MPDZ: variants seen among roughly 807,000 people sequenced by gnomAD.
The protein encoded by MPDZ is multiple PDZ domain protein.
MPDZ carries 234 observed loss-of-function variants against 239.1 expected under a neutral mutation model. The ratio of observed to expected loss-of-function variants is 0.98; its 90% CI spans 0.88 to 1.09. The LOEUF (loss-of-function observed/expected upper bound fraction) is 1.09, where lower values mean the gene tolerates loss of function less well. MPDZ is among the 50% of genes least tolerant of loss of function. MPDZ has a pLI of 0.00. For synonymous variants in MPDZ, 1,048 were observed against 881.3 expected (o/e 1.19, Z -3.35); for missense variants, 3,175 against 2,510.0 (o/e 1.26, Z -5.66).
intron 1 of MPDZ, among the ~76,000 whole-genome samples, chr9:13,278,214 G>C (rs1196595458): frequency 6.6e-6 from 1 of 152,098 alleles, no homozygotes; most frequent in South Asian, 2.1e-4. Flanking sequence ...TTCCTTCTAC[G>C]CTGGTGAAGT....
intron 40 of MPDZ, 110 bp downstream of exon 40, chr9:13,115,138 C>G: frequency 1.2e-6 from 1 of 836,824 alleles, no homozygotes; most frequent in Non-Finnish European, 2.0e-6. Flanking sequence ...CAGTCACTAT[C>G]CCACGCTGCC....
Position 13,121,197 on chromosome 9 carries a change from C to T in MPDZ, c.5231+542G>A, listed in dbSNP as rs530530655. ...GCTCTTATTCGCTCTGATCCTTCTC[C>T]CTACAATATCTTCCACTCTCCTTTA... On this transcript the variant is annotated intron_variant, in intron 38 of 46. Coordinates refer to ENST00000319217, the MANE Select transcript of MPDZ (RefSeq NM_001378778.1). Among the ~76,000 whole-genome samples, 4 of 152,270 alleles carry T rather than the reference C, an allele frequency of 2.6e-5. No homozygotes were observed. The East Asian group carries it at 5.8e-4, about 22-fold the overall frequency.
chr9:13,125,430 G>C, intron 34 of MPDZ, 40 bp from the exon 35 acceptor site: 1 of 1,568,620 alleles, frequency 6.4e-7, no homozygotes, highest in Non-Finnish European at 8.7e-7. Context: ...AAAATTCAAA[G>C]CTGAATTAGT....
rs1944966139 is a variant in MPDZ at position 13,125,397 on chromosome 9, G to A, written c.4633-7C>T. 2.5e-6 allele frequency: 4 copies of A among 1,611,190 alleles called. No individual in the cohort carries two copies. The highest frequency in any genetic ancestry group is 1.1e-5 in the South Asian group (1 of 90,794). On this transcript the variant is annotated splice_polypyrimidine_tract_variant and splice_region_variant and intron_variant, in intron 34 of 46. Coordinates refer to ENST00000319217, the MANE Select transcript of MPDZ (RefSeq NM_001378778.1). The stretch of plus-strand genomic sequence containing the variant: ...TCTTCAGAAGGCTAATAAACTGGCA[G>A]GGTGTATGTGTGGAAGAGAAACAAA...
At chr9:13,144,498 T>C (rs1270093118) in intron 26 of MPDZ, among the ~76,000 whole-genome samples, 1 of 152,074 alleles carries the variant, frequency 6.6e-6, no homozygotes, top group East Asian at 1.9e-4. Context: ...TGACTATATC[T>C]TTCAGGGGAA....
chr9:13,195,227 G>A lies in MPDZ; in HGVS notation c.1656+894C>T, dbSNP rs146509332. Among the ~76,000 whole-genome samples the A allele has an allele frequency of 4.7e-3, 718 of 152,226 alleles. 8 individuals carry two copies. Among genetic ancestry groups the A allele is most frequent in the Admixed American group, 0.011 (168 of 15,278 alleles). On this transcript the variant is annotated intron_variant, in intron 13 of 46. Coordinates refer to ENST00000319217, the MANE Select transcript of MPDZ (RefSeq NM_001378778.1). ...AGTTTGAGCCCTGGTGGTCAAGGCT[G>A]CAGTGAGCCATGACTGCACCACTGC...
chr9:13,217,713 A>G lies in MPDZ; in HGVS notation c.1087-419T>C, dbSNP rs192297862. 3.2e-4 allele frequency among the ~76,000 whole-genome samples: 49 copies of G among 151,996 alleles called. 1 individual carries two copies. The East Asian group carries it at 8.0e-3, about 25-fold the overall frequency. ...TCTAGCTTTGCCACTTCATCTAGAAAGAAAATATCACTTTGGTCAACTATC... is the reference window on the plus strand; with the variant it reads ...TCTAGCTTTGCCACTTCATCTAGAAGGAAAATATCACTTTGGTCAACTATC... On this transcript the variant is annotated intron_variant, in intron 8 of 46. Coordinates refer to ENST00000319217, the MANE Select transcript of MPDZ (RefSeq NM_001378778.1).
Position 13,113,022 on chromosome 9 carries a change from C to T in MPDZ, c.5590G>A (p.Glu1864Lys), listed in dbSNP as rs776416799. The T allele has an allele frequency of 1.9e-5, 30 of 1,585,288 alleles. No individual in the cohort carries two copies. Among genetic ancestry groups the T allele is most frequent in the Middle Eastern group, 1.7e-4 (1 of 6,046 alleles). The part of the protein sequence containing the change: ...ASEIQGLRTV[E>K]MKKGPTDSLG... ...TCTCCCCAAGTTACCTTTTTCATTT[C>T]GACTGTTCTTAATCCCTGTATTTCA... The change falls in exon 42 of 47, where the codon GAA becomes AAA. Residue 1864 changes from glutamate (E) to lysine (K), a missense_variant. Transcript: ENST00000319217.
intron 3 of MPDZ, among the ~76,000 whole-genome samples, chr9:13,233,647 AG>A (rs1963174781): frequency 6.6e-6 from 1 of 152,038 alleles, no homozygotes; most frequent in Admixed American, 6.6e-5. Flanking sequence ...TTATTTCTCA[AG>A]TTTTCAAAGT....
chr9:13,179,611 A>T (rs1953004420), intron 19 of MPDZ, among the ~76,000 whole-genome samples: 1 of 152,144 alleles, frequency 6.6e-6, no homozygotes, highest in Non-Finnish European at 1.5e-5. Flanking sequence ...TTCTTCCCTC[A>T]TAAGATGTAC....
intron 32 of MPDZ, among the ~76,000 whole-genome samples, chr9:13,127,262 G>A (rs1033396942): frequency 2.0e-5 from 3 of 152,026 alleles, no homozygotes; most frequent in Non-Finnish European, 2.9e-5. Flanking sequence ...CTGTCCTTTT[G>A]GGGGGTGAAC....
Position 13,123,278 on chromosome 9 carries a change from G to C in MPDZ, c.4828C>G (p.Pro1610Ala). 1 of 1,611,744 alleles carries C rather than the reference G, an allele frequency of 6.2e-7. No homozygotes were observed. The highest frequency in any genetic ancestry group is 8.5e-7 in the Non-Finnish European group (1 of 1,178,960). ...GCAGGATCAGAAGCAAAAATTGCTG[G>C]TGTTGATGATCTGCTTGTATCTAAA... is the stretch of plus-strand genomic sequence containing the variant. ...SIRNTSRSST[P>A]AIFASDPATC... is the part of the protein sequence containing the mutation. Residue 1610 changes from proline to alanine, a missense_variant, in exon 36 of 47, where the codon CCA becomes GCA. Transcript: ENST00000319217.
chr9:13,133,596 G>A (rs1946321453), intron 32 of MPDZ, among the ~76,000 whole-genome samples: 1 of 152,140 alleles, frequency 6.6e-6, no homozygotes. Context: ...ATTTTCAAAC[G>A]TAAACGTGCA....
chr9:13,142,763 A>T (rs553170022), intron 27 of MPDZ, among the ~76,000 whole-genome samples: 16 of 152,148 alleles, frequency 1.1e-4, no homozygotes, highest in Non-Finnish European at 1.2e-4. Context: ...TATCAATAAC[A>T]TGGTATTTGT....
rs756382002 is a variant in MPDZ, at chr9:13,110,587, G to A, written c.5829+49C>T. 5 of 1,316,742 alleles carry A rather than the reference G, an allele frequency of 3.8e-6. No individual in the cohort carries two copies. The African/African-American group carries it at 4.3e-5, about 11-fold the overall frequency. 81.6% of individuals were successfully genotyped at this position (1,316,742 alleles called of 1,614,324 possible). ...ACTGCTTTAACATCAAAGCTCATGTGTCTTCAGGCTACCTATATTCTGAAT... is the reference window on the plus strand; with the variant it reads ...ACTGCTTTAACATCAAAGCTCATGTATCTTCAGGCTACCTATATTCTGAAT... On this transcript the variant is annotated intron_variant, in intron 44 of 46. Coordinates refer to ENST00000319217, the MANE Select transcript of MPDZ (RefSeq NM_001378778.1).
chr9:13,211,624 A>G (rs1382502689), intron 10 of MPDZ, among the ~76,000 whole-genome samples: 1 of 152,130 alleles, frequency 6.6e-6, no homozygotes, highest in Non-Finnish European at 1.5e-5. Flanking sequence ...TCATGTCCTT[A>G]AAAGAAATAT....
intron 3 of MPDZ, among the ~76,000 whole-genome samples, chr9:13,237,419 G>A (rs1295829013): frequency 7.6e-6 from 1 of 131,642 alleles, no homozygotes; most frequent in Non-Finnish European, 1.5e-5. Context: ...CCCAGTCTAC[G>A]TGACAGAGCA....
chr9:13,246,056 A>ACC (rs1554721134), intron 3 of MPDZ, among the ~76,000 whole-genome samples: 4 of 152,094 alleles, frequency 2.6e-5, no homozygotes, highest in Admixed American at 2.6e-4. Context: ...ACTTCTTTAC[A>ACC]CTCTGAAAAA....
At chr9:13,150,240 CAT>C (rs1948980565) in intron 25 of MPDZ, among the ~76,000 whole-genome samples, 1 of 151,748 alleles carries the variant, frequency 6.6e-6, no homozygotes, top group Admixed American at 6.6e-5. Flanking sequence ...TATATCAAAA[CAT>C]ATAATCTGTC....
Sources: gnomAD v4.1 joint callset for allele counts (sites outside exome capture counted in the v4.1 genomes callset) on GRCh38, gnomAD v4.1.1 for gene constraint, MANE v1.5 for transcripts, NCBI Gene and HGNC (gene_info 2026-07-23, HGNC 2026-07-21) for gene names.